Variants in LOC128125817 observed in about 807,000 individuals in gnomAD.
the LOC128125817 span, among the ~76,000 whole-genome samples, chr1:41,604,126 AC>A: frequency 1.4e-4 from 21 of 152,242 alleles, no homozygotes; most frequent in Admixed American, 1.1e-3. Context: ...ATTGGCAAAG[AC>A]TAATGCCACA....
the LOC128125817 span, among the ~76,000 whole-genome samples, chr1:41,611,878 G>A: frequency 9.2e-5 from 14 of 152,176 alleles, no homozygotes; most frequent in Non-Finnish European, 1.6e-4. Flanking sequence ...TGGGAACTCC[G>A]GTTGCCTGAG....
At chr1:41,592,119 C>T in the LOC128125817 span, among the ~76,000 whole-genome samples, 5 of 152,110 alleles carry the variant, frequency 3.3e-5, no homozygotes, top group Admixed American at 6.5e-5. Context: ...CACAGGCAGC[C>T]GGCTGCCTCC....
At chr1:41,605,989 G>A in the LOC128125817 span, among the ~76,000 whole-genome samples, 1 of 152,210 alleles carries the variant, frequency 6.6e-6, no homozygotes, top group African/African-American at 2.4e-5. Flanking sequence ...AGTACTGAAT[G>A]AAGAGATGTA....
chr1:41,627,182 A>C, the LOC128125817 span, among the ~76,000 whole-genome samples: 1 of 152,242 alleles, frequency 6.6e-6, no homozygotes, highest in Non-Finnish European at 1.5e-5. Context: ...CACACACGCC[A>C]GAAGGGTGAC....
chr1:41,616,341 C>T, the LOC128125817 span, among the ~76,000 whole-genome samples: 89 of 152,330 alleles, frequency 5.8e-4, no homozygotes, highest in East Asian at 0.011. Context: ...CCCACCTGCA[C>T]AAAGGACGTG....
chr1:41,618,104 G>A, the LOC128125817 span, among the ~76,000 whole-genome samples: 1 of 152,202 alleles, frequency 6.6e-6, no homozygotes, highest in Admixed American at 6.5e-5. Context: ...ACTTACCCAG[G>A]CTGAGCTGCC....
the LOC128125817 span, among the ~76,000 whole-genome samples, chr1:41,625,713 C>T: frequency 1.3e-5 from 2 of 151,894 alleles, no homozygotes; most frequent in African/African-American, 2.4e-5. Context: ...CTAGCCTGGG[C>T]AACAGAGCAA....
the LOC128125817 span, among the ~76,000 whole-genome samples, chr1:41,604,337 T>C: frequency 1.3e-5 from 2 of 152,126 alleles, no homozygotes; most frequent in African/African-American, 4.8e-5. Context: ...CAATTATACA[T>C]AGTAATAAAA....
chr1:41,625,582 C>T, the LOC128125817 span, among the ~76,000 whole-genome samples: 107 of 152,210 alleles, frequency 7.0e-4, no homozygotes, highest in Non-Finnish European at 1.2e-3. Context: ...ATGTCAAAAA[C>T]TAGACAGCCA....
the LOC128125817 span, among the ~76,000 whole-genome samples, chr1:41,624,444 T>C: frequency 1.5e-3 from 222 of 152,336 alleles, 1 homozygote; most frequent in African/African-American, 5.1e-3. Context: ...GCCGGTTTAA[T>C]TTGGTTTGTG....
At chr1:41,588,432 C>T in the LOC128125817 span, among the ~76,000 whole-genome samples, 1 of 152,096 alleles carries the variant, frequency 6.6e-6, no homozygotes. Context: ...TTGCTTAGTC[C>T]TGCCTTCTCC....
chr1:41,619,145 C>T, the LOC128125817 span, among the ~76,000 whole-genome samples: 3,358 of 152,274 alleles, frequency 0.022, 44 homozygotes, highest in Non-Finnish European at 0.033. Context: ...GCCCCCACCC[C>T]CACTCCTCCA....
At chr1:41,593,404 T>C in the LOC128125817 span, among the ~76,000 whole-genome samples, 2 of 152,250 alleles carry the variant, frequency 1.3e-5, no homozygotes, top group Non-Finnish European at 2.9e-5. Flanking sequence ...TTTTTGGCTG[T>C]ACTCAAACTC....
At chr1:41,607,995 T>G in the LOC128125817 span, among the ~76,000 whole-genome samples, 332 of 152,320 alleles carry the variant, frequency 2.2e-3, 1 homozygote, top group African/African-American at 7.5e-3. Flanking sequence ...CACGAGCCCA[T>G]GGCCACTCCT....
chr1:41,627,005 G>A, the LOC128125817 span, among the ~76,000 whole-genome samples: 14 of 152,316 alleles, frequency 9.2e-5, no homozygotes, highest in African/African-American at 3.4e-4. Flanking sequence ...GACTCACTGA[G>A]GTTTGGGAAG....
chr1:41,589,632 G>C, the LOC128125817 span, among the ~76,000 whole-genome samples: 1 of 152,248 alleles, frequency 6.6e-6, no homozygotes, highest in African/African-American at 2.4e-5. Context: ...AATTCCACCA[G>C]TCCTGGCAGG....
At chr1:41,586,565 T>C in the LOC128125817 span, among the ~76,000 whole-genome samples, 1 of 137,602 alleles carries the variant, frequency 7.3e-6, no homozygotes, top group Non-Finnish European at 1.7e-5. Context: ...ACCCCCGGCA[T>C]CCTGCCCTCA....
the LOC128125817 span, among the ~76,000 whole-genome samples, chr1:41,613,658 T>G: frequency 6.6e-6 from 1 of 152,236 alleles, no homozygotes; most frequent in East Asian, 1.9e-4. Context: ...AACATAACTC[T>G]TTAAATGCTG....
At chr1:41,621,890 T>A in the LOC128125817 span, among the ~76,000 whole-genome samples, 2 of 152,188 alleles carry the variant, frequency 1.3e-5, no homozygotes, top group Admixed American at 6.5e-5. Context: ...CAAGTCTCTT[T>A]CCCACCCTGC....
Sources: gnomAD v4.1 joint callset for allele counts (sites outside exome capture counted in the v4.1 genomes callset) on GRCh38, gnomAD v4.1.1 for gene constraint, MANE v1.5 for transcripts.